The following MED14 variants were observed in gnomAD, a reference collection of about 807,000 sequenced individuals.
MED14 encodes mediator of RNA polymerase II transcription subunit 14.
MED14 carries 8 observed loss-of-function variants against 109.0 expected under a neutral mutation model. The observed-to-expected ratio is 0.07, with a 90% CI of 0.04 to 0.13. MED14 has a LOEUF of 0.13. MED14 is among the 10% of genes least tolerant of loss of function. MED14 has a pLI of 1.00. For synonymous variants in MED14, 399 were observed against 408.7 expected (o/e 0.98, Z 0.29); for missense variants, 711 against 1,142.4 (o/e 0.62, Z 5.44).
chrX:40,656,466 A>G (rs1244315388), intron 28 of MED14, among the ~76,000 whole-genome samples: 2 of 112,346 alleles, frequency 1.8e-5, no homozygotes, highest in Non-Finnish European at 3.8e-5. Flanking sequence ...AAAAGCCAGT[A>G]CTCTCATTGC....
chrX:40,653,436 A>T (rs1416124913), intron 30 of MED14, among the ~76,000 whole-genome samples: 3 of 111,804 alleles, frequency 2.7e-5, no homozygotes, highest in Non-Finnish European at 5.6e-5. Context: ...CAAATAGCTA[A>T]ATATATCATT....
intron 23 of MED14, among the ~76,000 whole-genome samples, chrX:40,670,781 AAT>A (rs1929702494): frequency 9.1e-6 from 1 of 109,308 alleles, no homozygotes; most frequent in African/African-American, 3.4e-5. Flanking sequence ...AAAAAAAAAA[AAT>A]AAAAAAAATA....
intron 26 of MED14, among the ~76,000 whole-genome samples, chrX:40,661,699 G>A (rs942437895): frequency 8.9e-6 from 1 of 112,217 alleles, no homozygotes; most frequent in Non-Finnish European, 1.9e-5. Context: ...ACATTAGCAG[G>A]TAGTATGGCT....
chrX:40,698,423 T>G lies in MED14; in HGVS notation c.1491-1240A>C, dbSNP rs186095656. On this transcript the variant is annotated intron_variant, in intron 12 of 30. Transcript: ENST00000324817. Reference sequence around the variant, plus strand: ...TTATGATTCTGAGGGACAAAAAACTTGAGTCTAAGTGACTTTCTATATTAA... The same window carrying G: ...TTATGATTCTGAGGGACAAAAAACTGGAGTCTAAGTGACTTTCTATATTAA... Among the ~76,000 whole-genome samples the G allele has an allele frequency of 7.0e-3, 781 of 112,317 alleles. 7 individuals are homozygous for G. Among genetic ancestry groups the G allele is most frequent in the African/African-American group, 0.023 (727 of 30,993 alleles).
chrX:40,658,690 A>G (rs1474717541), intron 28 of MED14, among the ~76,000 whole-genome samples: 1 of 2,170 alleles, frequency 4.6e-4, no homozygotes. Context: ...GTCTCTACCA[A>G]AAAAAAAAAA....
Position 40,697,103 on chromosome X carries a change from T to C in MED14, c.1571A>G (p.Asn524Ser). The change falls in exon 13 of 31, where the codon AAT (asparagine) becomes AGT (serine). Residue 524 changes from asparagine (N) to serine (S), a missense_variant. Physicochemically the swap from Asn to Ser is conservative, Grantham distance 46. This residue lies in a region of MED14 where 388 missense variants were observed against 517.3 expected (regional missense o/e 0.75). Coordinates refer to ENST00000324817, the MANE Select transcript of MED14 (RefSeq NM_004229.4). Reference protein sequence around the residue: ...TISSETLQLSNYSTHPIGNLS... With the variant: ...TISSETLQLSSYSTHPIGNLS... ...GTTTCCAATAGGATGAGTTGAGTAATTGGAAAGCTGCAATGTTTCACTGCT... is the reference window on the plus strand; with the variant it reads ...GTTTCCAATAGGATGAGTTGAGTAACTGGAAAGCTGCAATGTTTCACTGCT... 8.4e-7 allele frequency: 1 copy of C among 1,194,368 alleles called. No homozygotes were observed. Among genetic ancestry groups the C allele is most frequent in the Non-Finnish European group, 1.1e-6 (1 of 879,796 alleles).
intron 22 of MED14, 100 bp from the exon 23 acceptor site, chrX:40,672,072 C>T (rs1473672822): frequency 1.6e-5 from 7 of 435,533 alleles, no homozygotes; most frequent in Non-Finnish European, 3.9e-6. Context: ...TATTTACACA[C>T]TTTGCTGGTT....
chrX:40,708,253 T>C lies in MED14; in HGVS notation c.1285+1095A>G, dbSNP rs759790142. 2.7e-5 allele frequency among the ~76,000 whole-genome samples: 3 copies of C among 111,220 alleles called. No homozygotes were observed. The East Asian group carries it at 8.4e-4, about 31-fold the overall frequency. ...TAAGTTAGGCTGCCCCTCTCCTTAG[T>C]CTCTTTAAAAATATAAGCTAATGCT... On this transcript the variant is annotated intron_variant, in intron 10 of 30. Coordinates refer to ENST00000324817, the MANE Select transcript of MED14 (RefSeq NM_004229.4).
At position 40,663,974 on chromosome X, in the gene MED14, C is replaced by T. The variant is rs190452564; in HGVS notation, c.3448+333G>A. Among the ~76,000 whole-genome samples, 37 of 111,107 alleles carry T rather than the reference C, an allele frequency of 3.3e-4. No individual in the cohort carries two copies. The East Asian group carries it at 7.7e-3, about 23-fold the overall frequency. ...AAGGGGGCTGATCACAGGAAAGACA[C>T]GGCACAATTAGAGGGTTGGTAGTTT... On this transcript the variant is annotated intron_variant, in intron 25 of 30. Coordinates refer to ENST00000324817, the MANE Select transcript of MED14 (RefSeq NM_004229.4).
intron 6 of MED14, 74 bp downstream of exon 6, chrX:40,712,840 G>T: frequency 1.0e-6 from 1 of 977,454 alleles, no homozygotes. Context: ...TCCCCAGCCG[G>T]GAATATTTCA....
chrX:40,699,264 T>C (rs182744942), intron 12 of MED14, among the ~76,000 whole-genome samples: 2 of 112,483 alleles, frequency 1.8e-5, no homozygotes, highest in Non-Finnish European at 3.8e-5. Context: ...TTATTAACTA[T>C]AAATGGACAT....
At chrX:40,652,635 G>A (rs1262736094) in intron 30 of MED14, among the ~76,000 whole-genome samples, 3 of 111,368 alleles carry the variant, frequency 2.7e-5, no homozygotes, top group Admixed American at 1.9e-4. Context: ...GATGGGTGTG[G>A]GAGGTGGGGT....
At chrX:40,693,297 A>C (rs1309907973) in intron 13 of MED14, among the ~76,000 whole-genome samples, 1 of 111,768 alleles carries the variant, frequency 8.9e-6, no homozygotes, top group East Asian at 2.8e-4. Flanking sequence ...AGCTCCCGTA[A>C]TTCCCATGTG....
intron 21 of MED14, 124 bp from the exon 22 acceptor site, chrX:40,675,485 C>A: frequency 2.2e-6 from 1 of 447,671 alleles, no homozygotes; most frequent in Non-Finnish European, 3.3e-6. Context: ...GTTACTAGGA[C>A]AACCTAGAAG....
intron 10 of MED14, among the ~76,000 whole-genome samples, chrX:40,705,405 G>A (rs1408523867): frequency 1.3e-4 from 14 of 111,849 alleles, no homozygotes; most frequent in Non-Finnish European, 2.6e-4. Flanking sequence ...GGGCATCAGA[G>A]AAGAATACAG....
intron 30 of MED14, among the ~76,000 whole-genome samples, chrX:40,652,686 A>G (rs1928918419): frequency 8.9e-6 from 1 of 111,862 alleles, no homozygotes; most frequent in African/African-American, 3.3e-5. Flanking sequence ...CAAAAACAGG[A>G]TTTGTGGGTG....
At position 40,692,122 on chromosome X, in the gene MED14, C is replaced by T. The variant is rs1284094123; in HGVS notation, c.1980+61G>A. 5.5e-6 allele frequency: 6 copies of T among 1,086,105 alleles called. No individual in the cohort carries two copies. In the African/African-American group the frequency reaches 1.1e-4, roughly 20 times the overall value. 89.5% of individuals were successfully genotyped at this position (1,086,105 alleles called of 1,213,427 possible). A position where few individuals can be genotyped will look rare whatever the true frequency, so the allele number is the denominator to read the frequency against. On this transcript the variant is annotated intron_variant, in intron 15 of 30. Transcript: ENST00000324817. ...TAATGGAATCTATATATACCCTCAGCAACACATTTTAAAAACTACTCTTTC... is the reference window on the plus strand; with the variant it reads ...TAATGGAATCTATATATACCCTCAGTAACACATTTTAAAAACTACTCTTTC...
intron 10 of MED14, among the ~76,000 whole-genome samples, chrX:40,704,457 C>T (rs914504979): frequency 8.9e-6 from 1 of 111,888 alleles, no homozygotes; most frequent in Admixed American, 9.5e-5. Flanking sequence ...AGGGGAGTGG[C>T]GATGCAGGCC....
intron 21 of MED14, among the ~76,000 whole-genome samples, chrX:40,676,427 G>A (rs1238926909): frequency 8.9e-6 from 1 of 112,216 alleles, no homozygotes; most frequent in African/African-American, 3.2e-5. Flanking sequence ...AGAAGAAACA[G>A]CAATACATCC....
Sources: allele counts gnomAD v4.1 joint callset (sites outside exome capture counted in the v4.1 genomes callset), GRCh38; gene constraint gnomAD v4.1.1; regional missense constraint gnomAD v4.1.1; transcripts MANE v1.5; gene names NCBI Gene and HGNC (gene_info 2026-07-23, HGNC 2026-07-21).